ART3: variants seen among roughly 807,000 people sequenced by gnomAD.
The protein encoded by ART3 is ADP-ribosyltransferase 3 (inactive).
ART3 carries 49 observed loss-of-function variants against 48.5 expected under a neutral mutation model. The observed-to-expected ratio is 1.01, with a 90% CI of 0.80 to 1.28. The LOEUF (loss-of-function observed/expected upper bound fraction) is 1.28. Among genes scored for constraint, ART3 ranks in the 50% most tolerant of loss-of-function variants. The probability of loss-of-function intolerance (pLI) is 0.00; values close to 1 mark genes in which losing one functional copy is unlikely to be tolerated. For synonymous variants in ART3, 145 were observed against 157.2 expected (o/e 0.92, Z 0.58); for missense variants, 438 against 454.3 (o/e 0.96, Z 0.33).
At chr4:76,045,154 A>G (rs927827360) in intron 1 of ART3, among the ~76,000 whole-genome samples, 14 of 151,968 alleles carry the variant, frequency 9.2e-5, no homozygotes, top group African/African-American at 3.4e-4. Context: ...CCCATTCTTC[A>G]CAAATGAACT....
chr4:76,016,877 G>C (rs374121401), intron 1 of ART3, among the ~76,000 whole-genome samples: 1 of 152,318 alleles, frequency 6.6e-6, no homozygotes, highest in East Asian at 1.9e-4. Flanking sequence ...GGGATGTACA[G>C]ACAGGCTACC....
At chr4:76,093,052 T>G (rs1020483150) in intron 3 of ART3, among the ~76,000 whole-genome samples, 3 of 152,252 alleles carry the variant, frequency 2.0e-5, no homozygotes, top group Non-Finnish European at 2.9e-5. Flanking sequence ...GAATCTGTTT[T>G]CTTGCTTTTT....
chr4:76,042,661 G>A lies in ART3; in HGVS notation c.-10+31341G>A, dbSNP rs28489634. Among the ~76,000 whole-genome samples the A allele has an allele frequency of 1.9e-3, 289 of 151,906 alleles. 2 individuals are homozygous for A. Among genetic ancestry groups the A allele is most frequent in the African/African-American group, 6.3e-3 (263 of 41,428 alleles). ...TTCCTTCTGATGTTCGGATGTGTTC[G>A]GAGTTTGTTCCTTCTGGTGGGTTCG... On this transcript the variant is annotated intron_variant, in intron 1 of 9. Transcript: ENST00000341029.
At chr4:76,038,281 A>G (rs1734627687) in intron 1 of ART3, among the ~76,000 whole-genome samples, 1 of 152,186 alleles carries the variant, frequency 6.6e-6, no homozygotes, top group Admixed American at 6.5e-5. Flanking sequence ...ATTAATGTTG[A>G]TGCTCTTACT....
At chr4:76,109,134 C>G (rs6838328) in intron 11 of ART3, among the ~76,000 whole-genome samples, 26,473 of 151,918 alleles carry the variant, frequency 0.17, 2,531 homozygotes, top group East Asian at 0.41. Flanking sequence ...ACTTTATAAA[C>G]TTAATTTTAA....
intron 3 of ART3, 38 bp downstream of exon 3, chr4:76,082,573 A>T (rs777059166): frequency 6.7e-7 from 1 of 1,496,786 alleles, no homozygotes; most frequent in South Asian, 1.3e-5. Context: ...CTGGGAGGGA[A>T]GGAGTGGGAT....
chr4:76,026,787 T>C (rs1733429051), intron 1 of ART3, among the ~76,000 whole-genome samples: 1 of 152,238 alleles, frequency 6.6e-6, no homozygotes, highest in African/African-American at 2.4e-5. Context: ...TGGATGGTGT[T>C]AGAAGAAGGA....
intron 9 of ART3, 140 bp from the exon 10 acceptor site, chr4:76,104,457 G>C: frequency 6.8e-7 from 1 of 1,469,014 alleles, no homozygotes; most frequent in Non-Finnish European, 9.0e-7. Context: ...TACGTAAGCA[G>C]AACTTTTAAA....
intron 3 of ART3, 111 bp downstream of exon 3, chr4:76,082,646 T>A (rs1446900406): frequency 1.2e-6 from 1 of 819,136 alleles, no homozygotes; most frequent in Non-Finnish European, 1.9e-6. Flanking sequence ...TGAAATGACA[T>A]TCCGTCTAGC....
intron 1 of ART3, among the ~76,000 whole-genome samples, chr4:76,040,450 A>ACG (rs779849511): frequency 0.014 from 2,074 of 146,168 alleles, 53 homozygotes; most frequent in Middle Eastern, 0.033. Context: ...ACACACACAC[A>ACG]CACACACACA....
chr4:76,019,953 A>T (rs1732629122), intron 1 of ART3, among the ~76,000 whole-genome samples: 1 of 152,030 alleles, frequency 6.6e-6, no homozygotes, highest in African/African-American at 2.4e-5. Context: ...GCAATGGTTG[A>T]TGTTATCAAA....
chr4:76,075,892 GA>G lies in ART3; in HGVS notation c.5del (p.Lys2ArgfsTer7). Reference sequence around the variant, plus strand: ...TTATTTTAATTTAGAAGAGAAAAATGAAGACGGGACATTTTGAAATAGTCAC... The same window carrying G: ...TTATTTTAATTTAGAAGAGAAAAATGAGACGGGACATTTTGAAATAGTCAC... M[K>X]TGHFEIVTML... is the part of the protein sequence containing the mutation. On this transcript the variant is annotated frameshift_variant, in exon 2 of 12. Transcript: ENST00000355810. LOFTEE classifies it high-confidence loss of function. 6.2e-7 allele frequency: 1 copy of G among 1,609,798 alleles called. No homozygotes were observed. The highest frequency in any genetic ancestry group is 8.5e-7 in the Non-Finnish European group (1 of 1,177,826).
intron 3 of ART3, 99 bp from the exon 4 acceptor site, chr4:76,097,545 A>G: frequency 9.9e-7 from 1 of 1,010,792 alleles, no homozygotes; most frequent in Non-Finnish European, 1.5e-6. Context: ...CTGATAAACC[A>G]GGAGCTGACA....
At chr4:76,014,428 A>C (rs1732076321) in intron 1 of ART3, among the ~76,000 whole-genome samples, 1 of 152,198 alleles carries the variant, frequency 6.6e-6, no homozygotes, top group Non-Finnish European at 1.5e-5. Flanking sequence ...GATGGGTTCA[A>C]CAGCAGTTTT....
intron 2 of ART3, among the ~76,000 whole-genome samples, chr4:76,080,572 G>A (rs1722233280): frequency 6.6e-6 from 1 of 152,066 alleles, no homozygotes; most frequent in African/African-American, 2.4e-5. Flanking sequence ...GTGCTGTGGT[G>A]CAGTCTCCGC....
At chr4:76,036,463 C>T (rs1429547116) in intron 1 of ART3, among the ~76,000 whole-genome samples, 2 of 151,956 alleles carry the variant, frequency 1.3e-5, no homozygotes, top group Non-Finnish European at 2.9e-5. Context: ...TTTATTATCT[C>T]ACTTTTGCTT....
chr4:76,091,105 A>G (rs1420146088), intron 3 of ART3, among the ~76,000 whole-genome samples: 1 of 152,256 alleles, frequency 6.6e-6, no homozygotes, highest in African/African-American at 2.4e-5. Context: ...ATGCTGTTGT[A>G]GAATAGTGGA....
chr4:76,017,067 ACT>A, intron 1 of ART3, among the ~76,000 whole-genome samples: 1 of 151,896 alleles, frequency 6.6e-6, no homozygotes, highest in Admixed American at 6.6e-5. Flanking sequence ...GCTCTACCTC[ACT>A]GTGGCCGAGC....
intron 1 of ART3, 112 bp downstream of exon 1, chr4:76,074,931 T>TTTTTGG (rs1366433936): frequency 6.6e-6 from 1 of 152,236 alleles, no homozygotes; most frequent in Non-Finnish European, 1.5e-5. Context: ...TCTATCATCT[T>TTTTTGG]ATATTCAAAT....
Sources: gnomAD v4.1 joint callset for allele counts (sites outside exome capture counted in the v4.1 genomes callset) on GRCh38, gnomAD v4.1.1 for gene constraint, MANE v1.5 for transcripts, NCBI Gene and HGNC (gene_info 2026-07-23, HGNC 2026-07-21) for gene names.